PARD3B: variants seen among roughly 807,000 people sequenced by gnomAD.
The protein encoded by PARD3B is partitioning defective 3 homolog B.
PARD3B carries 103 observed loss-of-function variants against 130.2 expected under a neutral mutation model. The observed-to-expected ratio is 0.79, with a 90% CI of 0.67 to 0.93. The LOEUF is 0.93. Ranked by LOEUF, PARD3B falls within the 40% of genes least tolerant of loss-of-function variation. PARD3B has a pLI of 0.00. For missense variants in PARD3B, 1,609 were observed against 1,499.2 expected (o/e 1.07, Z -1.21); for synonymous variants, 583 against 553.2 (o/e 1.05, Z -0.76).
chr2:205,164,944 G>C (rs187704147), intron 11 of PARD3B, among the ~76,000 whole-genome samples: 2 of 151,158 alleles, frequency 1.3e-5, no homozygotes, highest in East Asian at 3.9e-4. Flanking sequence ...ACACGTTTTT[G>C]TTCTAGCATT....
At chr2:204,625,036 T>G (rs1318170792) in intron 1 of PARD3B, among the ~76,000 whole-genome samples, 1 of 152,232 alleles carries the variant, frequency 6.6e-6, no homozygotes, top group Non-Finnish European at 1.5e-5. Flanking sequence ...TAAATCTTTC[T>G]TAATGTCTTT....
chr2:205,419,810 A>G (rs2106087556), intron 19 of PARD3B, among the ~76,000 whole-genome samples: 1 of 152,294 alleles, frequency 6.6e-6, no homozygotes, highest in South Asian at 2.1e-4. Context: ...AGGTCAGGTC[A>G]CAGCTAATAT....
chr2:205,237,863 G>C (rs1463310549), intron 15 of PARD3B, among the ~76,000 whole-genome samples: 1 of 152,012 alleles, frequency 6.6e-6, no homozygotes, highest in African/African-American at 2.4e-5. Context: ...GTTACGTTTT[G>C]GTCTTTATTT....
chr2:204,886,201 G>A (rs542612809), intron 2 of PARD3B, among the ~76,000 whole-genome samples: 5 of 152,160 alleles, frequency 3.3e-5, no homozygotes, highest in African/African-American at 9.7e-5. Context: ...TGGGTGGATT[G>A]GTTCCATCTA....
intron 15 of PARD3B, among the ~76,000 whole-genome samples, chr2:205,227,970 A>G (rs1045005397): frequency 6.6e-6 from 1 of 152,174 alleles, no homozygotes; most frequent in Non-Finnish European, 1.5e-5. Context: ...AGGCAAAAAG[A>G]AGACTAATGA....
chr2:204,697,576 G>C (rs1216439570), intron 2 of PARD3B, among the ~76,000 whole-genome samples: 2 of 152,084 alleles, frequency 1.3e-5, no homozygotes, highest in Non-Finnish European at 2.9e-5. Flanking sequence ...TCCTCTTTTA[G>C]TTTTGCAGTT....
chr2:204,679,663 A>C (rs1468617075), intron 1 of PARD3B, among the ~76,000 whole-genome samples: 1 of 151,152 alleles, frequency 6.6e-6, no homozygotes, highest in East Asian at 1.9e-4. Context: ...AAATGTTACA[A>C]TTTTTTTTTA....
intron 18 of PARD3B, among the ~76,000 whole-genome samples, chr2:205,357,660 G>GC (rs1553684166): frequency 1.3e-5 from 2 of 151,592 alleles, no homozygotes; most frequent in Non-Finnish European, 1.5e-5. Context: ...AGTTTCATGA[G>GC]AAAAAAAATA....
chr2:205,356,946 CA>C (rs1320297108), intron 18 of PARD3B, among the ~76,000 whole-genome samples: 1 of 150,702 alleles, frequency 6.6e-6, no homozygotes, highest in African/African-American at 2.4e-5. Flanking sequence ...ACAACAAACA[CA>C]AGGAAACTTT....
chr2:205,182,532 A>G (rs1232828282), intron 13 of PARD3B, among the ~76,000 whole-genome samples: 2 of 152,122 alleles, frequency 1.3e-5, no homozygotes, highest in Non-Finnish European at 2.9e-5. Flanking sequence ...AGAAAGAGGA[A>G]CACGAGGAGA....
rs144655342 is a variant in PARD3B, at chr2:205,244,032, C to T, written c.2141-1746C>T. Reference sequence around the variant, plus strand: ...ACAGAATTTGGCTCACAACTGGTGCCTTATAAATACTTACCTCCCAACTAG... The same window carrying T: ...ACAGAATTTGGCTCACAACTGGTGCTTTATAAATACTTACCTCCCAACTAG... On this transcript the variant is annotated intron_variant, in intron 15 of 22. Coordinates refer to ENST00000406610, the MANE Select transcript of PARD3B (RefSeq NM_001302769.2). The surrounding 1 kb of genome is among the most constrained non-coding windows in gnomAD (Gnocchi z 4.7). 3.9e-4 allele frequency among the ~76,000 whole-genome samples: 60 copies of T among 152,246 alleles called. 1 individual carries two copies. The East Asian group carries it at 0.011, about 27-fold the overall frequency.
intron 4 of PARD3B, among the ~76,000 whole-genome samples, chr2:205,088,649 AG>A (rs1272543247): frequency 2.6e-5 from 4 of 152,214 alleles, no homozygotes; most frequent in Non-Finnish European, 5.9e-5. Flanking sequence ...ATTAATGAAG[AG>A]AGTTACTGAC....
chr2:204,614,735 G>C (rs942484168), intron 1 of PARD3B, among the ~76,000 whole-genome samples: 1 of 152,014 alleles, frequency 6.6e-6, no homozygotes, highest in African/African-American at 2.4e-5. Flanking sequence ...CACAAGATCT[G>C]GTTGTTTAAA....
rs765672548 is a variant in PARD3B at position 205,187,836 on chromosome 2, G to T, written c.2024+1973G>T. Reference sequence around the variant, plus strand: ...GGCCTCTGTTCTCACTTCTTTATTAGAACTGCTCTCTTAATCATCAACGGT... The same window carrying T: ...GGCCTCTGTTCTCACTTCTTTATTATAACTGCTCTCTTAATCATCAACGGT... On this transcript the variant is annotated intron_variant, in intron 14 of 22. Transcript: ENST00000406610. The surrounding 1 kb of genome is among the most constrained non-coding windows in gnomAD (Gnocchi z 4.9). Among the ~76,000 whole-genome samples, 1 of 152,054 alleles carries T rather than the reference G, an allele frequency of 6.6e-6. No individual in the cohort carries two copies. Among genetic ancestry groups the T allele is most frequent in the Non-Finnish European group, 1.5e-5 (1 of 68,032 alleles).
chr2:204,832,669 G>A (rs1435707671), intron 2 of PARD3B, among the ~76,000 whole-genome samples: 1 of 152,194 alleles, frequency 6.6e-6, no homozygotes, highest in African/African-American at 2.4e-5. Flanking sequence ...TCTTGGCTGT[G>A]ATGGGTACGC....
intron 2 of PARD3B, among the ~76,000 whole-genome samples, chr2:204,857,402 T>G (rs1034892793): frequency 6.6e-6 from 1 of 151,928 alleles, no homozygotes; most frequent in African/African-American, 2.4e-5. Context: ...GAAGGAAAAT[T>G]TGTTTTCTCA....
chr2:205,378,211 C>T (rs1574851037), intron 18 of PARD3B, among the ~76,000 whole-genome samples: 1 of 152,164 alleles, frequency 6.6e-6, no homozygotes, highest in East Asian at 1.9e-4. Flanking sequence ...ACAGTTATAA[C>T]AGACTTAAAA....
At chr2:204,726,702 C>T (rs898971122) in intron 2 of PARD3B, among the ~76,000 whole-genome samples, 3 of 152,156 alleles carry the variant, frequency 2.0e-5, no homozygotes, top group African/African-American at 7.2e-5. Context: ...GATTGCTTCT[C>T]CTACCCAAGG....
At chr2:205,605,062 A>G (rs1281639166) in intron 22 of PARD3B, among the ~76,000 whole-genome samples, 2 of 152,164 alleles carry the variant, frequency 1.3e-5, no homozygotes, top group African/African-American at 4.8e-5. Context: ...TCCATCGGGC[A>G]TTTTTGTTCA....
Sources: allele counts gnomAD v4.1 joint callset (sites outside exome capture counted in the v4.1 genomes callset), GRCh38; gene constraint gnomAD v4.1.1; non-coding constraint Gnocchi (gnomAD v3.1); transcripts MANE v1.5; gene names NCBI Gene and HGNC (gene_info 2026-07-23, HGNC 2026-07-21).